The following NOS1AP variants were observed in gnomAD, a reference collection of about 807,000 sequenced individuals.
NOS1AP encodes the protein nitric oxide synthase 1 adaptor protein.
A neutral mutation model predicts 56.2 loss-of-function variants in NOS1AP; 21 were observed. The observed-to-expected ratio is 0.37, with a 90% CI of 0.26 to 0.54. NOS1AP has a LOEUF of 0.54. NOS1AP is among the 20% of genes least tolerant of loss of function. The pLI, the probability that NOS1AP is intolerant of heterozygous loss-of-function variation, is 0.84. For missense variants in NOS1AP, 522 were observed against 657.8 expected (o/e 0.79, Z 2.26); for synonymous variants, 270 against 274.6 (o/e 0.98, Z 0.17).
intron 2 of NOS1AP, among the ~76,000 whole-genome samples, chr1:162,248,049 G>A (rs1378006175): frequency 6.6e-6 from 1 of 152,100 alleles, no homozygotes; most frequent in East Asian, 1.9e-4. Flanking sequence ...TTGGGAGGCT[G>A]AGTTGGGAGG....
intron 2 of NOS1AP, among the ~76,000 whole-genome samples, chr1:162,160,675 C>G (rs1361063913): frequency 6.6e-6 from 1 of 152,184 alleles, no homozygotes; most frequent in Non-Finnish European, 1.5e-5. Context: ...CCCCCCTCAG[C>G]ACCATTTACT....
chr1:162,208,468 T>G (rs868046552), intron 2 of NOS1AP, among the ~76,000 whole-genome samples: 2 of 152,226 alleles, frequency 1.3e-5, no homozygotes, highest in Admixed American at 6.5e-5. Flanking sequence ...TTAGCCACCA[T>G]GTATCTACTA....
intron 8 of NOS1AP, chr1:162,364,694 C>A: frequency 1.0e-6 from 1 of 985,576 alleles, no homozygotes; most frequent in Non-Finnish European, 1.2e-6. Context: ...AAATGTTTGA[C>A]CCCTACCAGG....
chr1:162,146,625 T>C (rs67494123), intron 1 of NOS1AP, among the ~76,000 whole-genome samples: 6,325 of 152,276 alleles, frequency 0.042, 236 homozygotes, highest in African/African-American at 0.093. Flanking sequence ...CCAAGAGCAG[T>C]TCCCTTCTTT....
chr1:162,120,978 G>A (rs1648189192), intron 1 of NOS1AP, among the ~76,000 whole-genome samples: 1 of 151,674 alleles, frequency 6.6e-6, no homozygotes, highest in African/African-American at 2.4e-5. Flanking sequence ...CTACATCTCT[G>A]ATGAGCAGAA....
At chr1:162,224,086 C>G (rs1652868955) in intron 2 of NOS1AP, among the ~76,000 whole-genome samples, 2 of 151,796 alleles carry the variant, frequency 1.3e-5, no homozygotes, top group Admixed American at 1.3e-4. Context: ...GGTTTAAAGG[C>G]TGTAGAGTCA....
chr1:162,319,000 C>T (rs181375626), intron 4 of NOS1AP, among the ~76,000 whole-genome samples: 4 of 152,276 alleles, frequency 2.6e-5, no homozygotes, highest in Non-Finnish European at 5.9e-5. Flanking sequence ...GGTGGCTGCC[C>T]CTGCCTTTGT....
intron 1 of NOS1AP, among the ~76,000 whole-genome samples, chr1:162,081,467 T>C (rs1317729449): frequency 6.6e-6 from 1 of 151,462 alleles, no homozygotes; most frequent in East Asian, 1.9e-4. Context: ...TTGGCTGGGC[T>C]CTTGCCTGTG....
chr1:162,238,284 C>G (rs1653370889), intron 2 of NOS1AP, among the ~76,000 whole-genome samples: 1 of 152,102 alleles, frequency 6.6e-6, no homozygotes. Flanking sequence ...TCCCCACTAA[C>G]CCCCTCAGCT....
At chr1:162,349,775 G>A (rs1308842795) in intron 6 of NOS1AP, among the ~76,000 whole-genome samples, 1 of 152,190 alleles carries the variant, frequency 6.6e-6, no homozygotes, top group East Asian at 1.9e-4. Flanking sequence ...CTCCAGTACT[G>A]ATTTTATGAC....
In NOS1AP at chr1:162,140,495, G is replaced by A. The variant is rs1405674471; in HGVS notation, c.106-13910G>A. Reference sequence around the variant, plus strand: ...ACATGATTTCTTTCTTTTTTTCACTGTGTAGCATTCTGTGGTGCATATGTA... The same window carrying A: ...ACATGATTTCTTTCTTTTTTTCACTATGTAGCATTCTGTGGTGCATATGTA... On this transcript the variant is annotated intron_variant, in intron 1 of 9. Coordinates refer to ENST00000361897, the MANE Select transcript of NOS1AP (RefSeq NM_014697.3). Among the ~76,000 whole-genome samples, 3 of 152,098 alleles carry A rather than the reference G, an allele frequency of 2.0e-5. No individual in the cohort carries two copies. The East Asian group carries it at 5.8e-4, about 29-fold the overall frequency.
intron 2 of NOS1AP, among the ~76,000 whole-genome samples, chr1:162,252,473 G>A (rs1039004694): frequency 6.6e-6 from 1 of 152,202 alleles, no homozygotes; most frequent in African/African-American, 2.4e-5. Flanking sequence ...AAATTCAAGG[G>A]GAGGTAGTAT....
rs1354820184 is a variant in NOS1AP at position 162,367,025 on chromosome 1, C to T, written c.1106-27C>T. ...TCAACAACCTTGCCTAACGCTGCCC[C>T]TCTGCTACCTCTTGTCTCCCCTGCA... On this transcript the variant is annotated intron_variant, in intron 9 of 9. Transcript: ENST00000361897. This position sits in a 1 kb window ranked among gnomAD's most constrained non-coding sequence, Gnocchi z 6.5. 3.1e-6 allele frequency: 5 copies of T among 1,613,624 alleles called. No individual in the cohort carries two copies. Among genetic ancestry groups the T allele is most frequent in the Non-Finnish European group, 4.2e-6 (5 of 1,179,960 alleles).
chr1:162,117,222 C>T (rs1004524234), intron 1 of NOS1AP, among the ~76,000 whole-genome samples: 2 of 152,166 alleles, frequency 1.3e-5, no homozygotes, highest in African/African-American at 2.4e-5. Flanking sequence ...TAGGCTGTCT[C>T]TCCAGATATT....
chr1:162,159,645 C>G (rs1224428929), intron 2 of NOS1AP, among the ~76,000 whole-genome samples: 1 of 152,164 alleles, frequency 6.6e-6, no homozygotes, highest in Non-Finnish European at 1.5e-5. Context: ...CCACACCCCT[C>G]TTTTTTGTAG....
chr1:162,195,560 T>C (rs912490115), intron 2 of NOS1AP, among the ~76,000 whole-genome samples: 1 of 152,248 alleles, frequency 6.6e-6, no homozygotes, highest in African/African-American at 2.4e-5. Context: ...GTTCCTCTTC[T>C]GCAATGCTCA....
intron 2 of NOS1AP, among the ~76,000 whole-genome samples, chr1:162,155,257 T>TATAC (rs1649898848): frequency 6.8e-6 from 1 of 146,284 alleles, no homozygotes; most frequent in East Asian, 2.0e-4. Flanking sequence ...TACACATACA[T>TATAC]ATATATATAC....
In NOS1AP at chr1:162,261,434, C is replaced by T. The variant is rs367867500; in HGVS notation, c.178-25910C>T. 9.2e-4 allele frequency among the ~76,000 whole-genome samples: 95 copies of T among 103,478 alleles called. 10 individuals carry two copies. The highest frequency in any genetic ancestry group is 3.5e-3 in the African/African-American group (85 of 24,116). The allele number at this position is 103,478 out of a possible 152,430, so 67.9% of individuals were successfully genotyped here. ...TATCCAGGTGGGCTCAATCTAATCA[C>T]AAGAGTCCTTATAGAAGAGAGGCAG... On this transcript the variant is annotated intron_variant, in intron 2 of 9. Transcript: ENST00000361897.
intron 2 of NOS1AP, among the ~76,000 whole-genome samples, chr1:162,287,043 A>G (rs553308005): frequency 6.6e-6 from 1 of 152,270 alleles, no homozygotes; most frequent in East Asian, 1.9e-4. Context: ...TGATAGAATG[A>G]GTTATTGAGG....
Sources: gnomAD v4.1 joint callset for allele counts (sites outside exome capture counted in the v4.1 genomes callset) on GRCh38, gnomAD v4.1.1 for gene constraint, Gnocchi (gnomAD v3.1) non-coding constraint, MANE v1.5 for transcripts, NCBI Gene and HGNC (gene_info 2026-07-23, HGNC 2026-07-21) for gene names.